ANKRD13C: variants seen among roughly 807,000 people sequenced by gnomAD.
The protein encoded by ANKRD13C is ankyrin repeat domain 13C.
ANKRD13C carries 16 observed loss-of-function variants against 65.5 expected under a neutral mutation model. The observed-to-expected ratio is 0.24, with a 90% confidence interval of 0.17 to 0.37. The LOEUF (loss-of-function observed/expected upper bound fraction) is 0.37. Ranked by LOEUF, ANKRD13C falls within the 10% of genes least tolerant of loss-of-function variation. The pLI is 1.00. For missense variants in ANKRD13C, 503 were observed against 655.9 expected (o/e 0.77, Z 2.55); for synonymous variants, 235 against 238.7 (o/e 0.98, Z 0.14).
chr1:70,323,427 G>A (rs950860583), intron 3 of ANKRD13C, among the ~76,000 whole-genome samples: 2 of 151,940 alleles, frequency 1.3e-5, no homozygotes, highest in Non-Finnish European at 2.9e-5. Context: ...GGCGGATCAC[G>A]TGGTCAGGAG....
chr1:70,324,734 G>T, intron 3 of ANKRD13C, 119 bp downstream of exon 3: 1 of 629,874 alleles, frequency 1.6e-6, no homozygotes. Context: ...TCACATGTAA[G>T]TTTACACATA....
intron 3 of ANKRD13C, among the ~76,000 whole-genome samples, chr1:70,319,228 A>G (rs11801679): frequency 0.017 from 2,546 of 152,290 alleles, 61 homozygotes; most frequent in African/African-American, 0.054. Context: ...CATAAAGCTG[A>G]TATCAATGTG....
chr1:70,332,057 G>C (rs1183679873), intron 2 of ANKRD13C, among the ~76,000 whole-genome samples: 1 of 152,136 alleles, frequency 6.6e-6, no homozygotes, highest in Non-Finnish European at 1.5e-5. Flanking sequence ...TATGTAATTG[G>C]TTGTGTCTAC....
At chr1:70,307,528 G>C (rs917853218) in intron 5 of ANKRD13C, among the ~76,000 whole-genome samples, 3 of 152,142 alleles carry the variant, frequency 2.0e-5, no homozygotes, top group Non-Finnish European at 4.4e-5. Context: ...AATGCAAAAT[G>C]ACTTCCAGCA....
chr1:70,323,545 A>G (rs945178120), intron 3 of ANKRD13C, among the ~76,000 whole-genome samples: 1 of 151,692 alleles, frequency 6.6e-6, no homozygotes, highest in African/African-American at 2.4e-5. Context: ...TGGGAGGCTG[A>G]GGCAGGAGAA....
intron 8 of ANKRD13C, among the ~76,000 whole-genome samples, chr1:70,292,867 T>C (rs1679919338): frequency 6.6e-6 from 1 of 152,202 alleles, no homozygotes; most frequent in Admixed American, 6.5e-5. Context: ...TACTCCCAAG[T>C]AGCACAAAGC....
At chr1:70,285,131 T>C (rs960671248) in intron 9 of ANKRD13C, among the ~76,000 whole-genome samples, 1 of 152,084 alleles carries the variant, frequency 6.6e-6, no homozygotes, top group Non-Finnish European at 1.5e-5. Context: ...TGATTTGTTC[T>C]TATATTGTCA....
At chr1:70,265,048 A>G (rs1678552504) in intron 12 of ANKRD13C, among the ~76,000 whole-genome samples, 1 of 152,172 alleles carries the variant, frequency 6.6e-6, no homozygotes, top group Admixed American at 6.5e-5. Context: ...AATGAGAGGA[A>G]GATTAGCAGG....
chr1:70,343,367 C>A (rs889719475), intron 1 of ANKRD13C, among the ~76,000 whole-genome samples: 9 of 152,180 alleles, frequency 5.9e-5, no homozygotes, highest in African/African-American at 2.2e-4. Context: ...CCTCAACCTG[C>A]TGCTTAAGCT....
chr1:70,318,478 T>TTC (rs1681161884), intron 3 of ANKRD13C, among the ~76,000 whole-genome samples: 1 of 152,160 alleles, frequency 6.6e-6, no homozygotes, highest in Non-Finnish European at 1.5e-5. Flanking sequence ...ACCTGGACAA[T>TTC]TCTACCTGAT....
intron 1 of ANKRD13C, among the ~76,000 whole-genome samples, chr1:70,347,075 G>C (rs1365164114): frequency 8.4e-6 from 1 of 118,928 alleles, no homozygotes; most frequent in African/African-American, 3.2e-5. Flanking sequence ...CTTGGTGACA[G>C]AGCGAGGCTC....
chr1:70,340,293 G>T (rs553784784), intron 1 of ANKRD13C, among the ~76,000 whole-genome samples: 1 of 152,166 alleles, frequency 6.6e-6, no homozygotes, highest in African/African-American at 2.4e-5. Context: ...ACTTAAAATT[G>T]TTCTTCTAAT....
At chr1:70,306,895 G>GT (rs1270059406) in intron 5 of ANKRD13C, among the ~76,000 whole-genome samples, 2 of 152,088 alleles carry the variant, frequency 1.3e-5, no homozygotes, top group Non-Finnish European at 2.9e-5. Flanking sequence ...TATTCTGATA[G>GT]TTTTTTATTA....
chr1:70,262,754 T>C lies in ANKRD13C; in HGVS notation c.1589A>G (p.Asp530Gly), dbSNP rs1157219732. The change falls in exon 13 of 13, where the codon GAC (aspartate) becomes GGC (glycine). Residue 530 changes from aspartate (D) to glycine (G), a missense_variant. Around this residue, in one of 2 missense-constraint regions of ANKRD13C, gnomAD observed 300 missense variants for 478.3 expected, o/e 0.63. Transcript: ENST00000370944. Reference sequence around the variant, plus strand: ...AAAACGGCTTGGGTCTTCCTTGTAGTCATCAGGTATAGTAAAGATGGAGCC... The same window carrying C: ...AAAACGGCTTGGGTCTTCCTTGTAGCCATCAGGTATAGTAAAGATGGAGCC... ...FDGSIFTIPD[D>G]YKEDPSRFPD... 1 of 1,613,556 alleles carries C rather than the reference T, an allele frequency of 6.2e-7. No homozygotes were observed. Among genetic ancestry groups the C allele is most frequent in the South Asian group, 1.1e-5 (1 of 91,046 alleles).
intron 1 of ANKRD13C, among the ~76,000 whole-genome samples, chr1:70,349,789 G>T (rs1299838435): frequency 6.6e-6 from 1 of 151,928 alleles, no homozygotes; most frequent in African/African-American, 2.4e-5. Context: ...ATACAAGAAG[G>T]GATAGAATGG....
chr1:70,338,032 A>G (rs1229928888), intron 1 of ANKRD13C, among the ~76,000 whole-genome samples: 1 of 152,086 alleles, frequency 6.6e-6, no homozygotes, highest in Non-Finnish European at 1.5e-5. Flanking sequence ...CTGGGAGGCG[A>G]AGGTTGCGGT....
chr1:70,306,693 T>C (rs981310061), intron 5 of ANKRD13C, among the ~76,000 whole-genome samples: 2 of 152,150 alleles, frequency 1.3e-5, no homozygotes, highest in African/African-American at 2.4e-5. Flanking sequence ...AGTAAAGTAA[T>C]GTGTATAATA....
At chr1:70,347,975 CA>C (rs773915744) in intron 1 of ANKRD13C, among the ~76,000 whole-genome samples, 4 of 152,112 alleles carry the variant, frequency 2.6e-5, no homozygotes, top group Admixed American at 6.6e-5. Flanking sequence ...ACAAAGCAAA[CA>C]AACAAACATA....
In ANKRD13C at chr1:70,260,694, G is replaced by A. The variant is rs1488440699; in HGVS notation, c.*2023C>T. 6.6e-6 allele frequency: 1 copy of A among 151,968 alleles called. No homozygotes were observed. The highest frequency in any genetic ancestry group is 6.6e-5 in the Admixed American group (1 of 15,248). The allele number at this position is 151,968 out of a possible 1,614,324, so 9.4% of individuals were successfully genotyped here. ...GTTTGCTCTTTGTGATCAGAGAAAAGACATTTTGGAATGGATAATCTGTTT... is the reference window on the plus strand; with the variant it reads ...GTTTGCTCTTTGTGATCAGAGAAAAAACATTTTGGAATGGATAATCTGTTT... On this transcript the variant is annotated 3_prime_UTR_variant, in exon 13 of 13. Transcript: ENST00000370944.
Sources: allele counts gnomAD v4.1 joint callset (sites outside exome capture counted in the v4.1 genomes callset), GRCh38; gene constraint gnomAD v4.1.1; regional missense constraint gnomAD v4.1.1; transcripts MANE v1.5; gene names NCBI Gene and HGNC (gene_info 2026-07-23, HGNC 2026-07-21).